Variants in RAB8B observed in about 807,000 individuals in gnomAD.
The protein encoded by RAB8B is ras-related protein Rab-8B.
In RAB8B, 11 loss-of-function variants were observed where a neutral mutation model predicts 32.0. The observed-to-expected ratio is 0.34, with a 90% confidence interval of 0.22 to 0.57. The LOEUF (loss-of-function observed/expected upper bound fraction) is 0.57, where lower values mean the gene tolerates loss of function less well. RAB8B is among the 20% of genes least tolerant of loss of function. The pLI, the probability that RAB8B is intolerant of heterozygous loss-of-function variation, is 0.86. For missense variants in RAB8B, 190 were observed against 258.5 expected (o/e 0.73, Z 1.82); for synonymous variants, 103 against 89.6 (o/e 1.15, Z -0.85).
At chr15:63,244,651 C>A in intron 1 of RAB8B, 105 bp from the exon 2 acceptor site, 1 of 818,010 alleles carries the variant, frequency 1.2e-6, no homozygotes, top group Non-Finnish European at 2.0e-6. Flanking sequence ...TTCACATTTT[C>A]CAGTGCGTTG....
intron 1 of RAB8B, among the ~76,000 whole-genome samples, chr15:63,229,922 C>A (rs149569181): frequency 5.6e-4 from 85 of 151,722 alleles, no homozygotes; most frequent in East Asian, 9.7e-4. Flanking sequence ...GTGTAATTGG[C>A]CATGAAGGTT....
intron 1 of RAB8B, among the ~76,000 whole-genome samples, chr15:63,234,708 C>T (rs1475366393): frequency 3.9e-5 from 6 of 152,128 alleles, no homozygotes; most frequent in African/African-American, 7.2e-5. Flanking sequence ...CTGTGGGTTG[C>T]GCTGGACAAT....
intron 1 of RAB8B, among the ~76,000 whole-genome samples, chr15:63,222,036 G>T (rs1179984784): frequency 2.6e-5 from 4 of 152,140 alleles, no homozygotes; most frequent in Non-Finnish European, 5.9e-5. Flanking sequence ...CAGGCTTCTG[G>T]GTCAGCTAGC....
At chr15:63,209,215 C>T (rs960086115) in intron 1 of RAB8B, among the ~76,000 whole-genome samples, 1 of 150,864 alleles carries the variant, frequency 6.6e-6, no homozygotes, top group Non-Finnish European at 1.5e-5. Context: ...GTGTTCTTTG[C>T]GTTGCCGAAT....
At chr15:63,231,379 G>A (rs2141128406) in intron 1 of RAB8B, among the ~76,000 whole-genome samples, 1 of 152,176 alleles carries the variant, frequency 6.6e-6, no homozygotes, top group East Asian at 1.9e-4. Context: ...TGCATTTTTG[G>A]TGCAACATCA....
At chr15:63,253,656 AAAAG>A (rs749511294) in intron 3 of RAB8B, among the ~76,000 whole-genome samples, 16 of 152,282 alleles carry the variant, frequency 1.1e-4, no homozygotes, top group East Asian at 3.9e-4. Flanking sequence ...ATCTCTAAAA[AAAAG>A]AAAGAAAGAA....
chr15:63,220,799 A>G (rs367989287), intron 1 of RAB8B, among the ~76,000 whole-genome samples: 2 of 152,318 alleles, frequency 1.3e-5, no homozygotes, highest in East Asian at 3.9e-4. Flanking sequence ...TTCCAAATGA[A>G]GTACTGTAAG....
At chr15:63,201,888 G>A (rs1029582859) in intron 1 of RAB8B, among the ~76,000 whole-genome samples, 2 of 152,022 alleles carry the variant, frequency 1.3e-5, no homozygotes, top group Non-Finnish European at 2.9e-5. Context: ...TCTCAAAACA[G>A]GTGCTGGAGT....
chr15:63,229,063 CAT>C (rs941527743), intron 1 of RAB8B, among the ~76,000 whole-genome samples: 7 of 152,164 alleles, frequency 4.6e-5, no homozygotes, highest in Non-Finnish European at 8.8e-5. Flanking sequence ...AACATGATAA[CAT>C]AAATATTTTC....
chr15:63,224,965 G>A (rs1388964859), intron 1 of RAB8B, among the ~76,000 whole-genome samples: 1 of 152,194 alleles, frequency 6.6e-6, no homozygotes, highest in Admixed American at 6.5e-5. Flanking sequence ...CCACTTTCTT[G>A]TTGTTTGTAC....
chr15:63,244,462 T>C (rs1302859105), intron 1 of RAB8B, among the ~76,000 whole-genome samples: 1 of 152,220 alleles, frequency 6.6e-6, no homozygotes, highest in Non-Finnish European at 1.5e-5. Flanking sequence ...GTAGGAAATA[T>C]GGCATGTTCT....
At chr15:63,214,723 C>A (rs1010456962) in intron 1 of RAB8B, among the ~76,000 whole-genome samples, 2 of 152,102 alleles carry the variant, frequency 1.3e-5, no homozygotes, top group Non-Finnish European at 2.9e-5. Flanking sequence ...AGCAGCAGTT[C>A]ATTTCTCTTT....
intron 6 of RAB8B, 36 bp from the exon 7 acceptor site, chr15:63,262,656 A>C: frequency 1.2e-6 from 1 of 806,024 alleles, no homozygotes. Flanking sequence ...TATATAGTGA[A>C]TATATAATAA....
At chr15:63,243,529 C>T (rs190004922) in intron 1 of RAB8B, among the ~76,000 whole-genome samples, 151 of 152,100 alleles carry the variant, frequency 9.9e-4, no homozygotes, top group African/African-American at 3.1e-3. Context: ...GGGGGAAATA[C>T]GTGAGGGAAG....
intron 2 of RAB8B, 112 bp from the exon 3 acceptor site, chr15:63,249,533 C>T: frequency 1.0e-6 from 1 of 957,746 alleles, no homozygotes; most frequent in Non-Finnish European, 1.6e-6. Context: ...CTCCTTTCCT[C>T]TGTGACCACT....
intron 1 of RAB8B, among the ~76,000 whole-genome samples, chr15:63,211,789 G>A (rs1256771815): frequency 6.6e-6 from 1 of 152,136 alleles, no homozygotes; most frequent in African/African-American, 2.4e-5. Flanking sequence ...GGCTGAAGGG[G>A]AGTTGCCCCT....
intron 1 of RAB8B, among the ~76,000 whole-genome samples, chr15:63,210,894 G>A (rs1025135564): frequency 1.3e-5 from 2 of 152,120 alleles, no homozygotes; most frequent in Admixed American, 6.5e-5. Flanking sequence ...ATTGTCTCTC[G>A]TTAACATCAC....
intron 1 of RAB8B, among the ~76,000 whole-genome samples, chr15:63,225,337 G>C (rs530676537): frequency 6.6e-5 from 10 of 152,324 alleles, no homozygotes; most frequent in South Asian, 2.1e-4. Flanking sequence ...ATTTACTGGA[G>C]TGCTAGGAGA....
chr15:63,255,696 T>C, intron 4 of RAB8B, 112 bp downstream of exon 4: 1 of 809,428 alleles, frequency 1.2e-6, no homozygotes, highest in Non-Finnish European at 2.1e-6. Flanking sequence ...CATGGGCAGG[T>C]TGGGCCCTCT....
Sources: allele counts gnomAD v4.1 joint callset (sites outside exome capture counted in the v4.1 genomes callset), GRCh38; gene constraint gnomAD v4.1.1; transcripts MANE v1.5; gene names NCBI Gene and HGNC (gene_info 2026-07-23, HGNC 2026-07-21).